The following SPTY2D1 variants were observed in gnomAD, a reference collection of about 807,000 sequenced individuals.
SPTY2D1 encodes the protein SPT2 chromatin protein domain containing 1.
In SPTY2D1, 21 loss-of-function variants were observed where a neutral mutation model predicts 64.0. That is an observed-to-expected ratio of 0.33 (90% CI 0.23 to 0.47). SPTY2D1 has a LOEUF of 0.47. SPTY2D1 is among the 20% of genes least tolerant of loss of function. The pLI is 1.00. For missense variants in SPTY2D1, 724 were observed against 837.2 expected (o/e 0.86, Z 1.67); for synonymous variants, 287 against 286.8 (o/e 1.00, Z -0.01).
intron 1 of SPTY2D1, among the ~76,000 whole-genome samples, chr11:18,631,661 G>GA (rs140100043): frequency 0.088 from 12,210 of 138,448 alleles, 1,341 homozygotes; most frequent in African/African-American, 0.26. Context: ...GGCAAAAAAA[G>GA]AAAAAAAGCT....
intron 1 of SPTY2D1, among the ~76,000 whole-genome samples, chr11:18,617,234 T>C (rs1854313541): frequency 6.6e-6 from 1 of 152,134 alleles, no homozygotes; most frequent in African/African-American, 2.4e-5. Context: ...AATGAACAAT[T>C]CACAGAAACA....
Position 18,609,834 on chromosome 11 carries a change from A to G in SPTY2D1, c.*27T>C, listed in dbSNP as rs1373877571. ...GAAATCCTTGCAGCAGAGCAGCTCTAGAATTTCACAAAAATAAAAGCAGCA... is the reference window on the plus strand; with the variant it reads ...GAAATCCTTGCAGCAGAGCAGCTCTGGAATTTCACAAAAATAAAAGCAGCA... On this transcript the variant is annotated 3_prime_UTR_variant, in exon 6 of 6. Transcript: ENST00000336349. The G allele has an allele frequency of 6.2e-7, 1 of 1,609,476 alleles. No homozygotes were observed. The highest frequency in any genetic ancestry group is 8.5e-7 in the Non-Finnish European group (1 of 1,176,356).
chr11:18,610,311 A>T (rs1854179974), intron 5 of SPTY2D1: 1 of 183,732 alleles, frequency 5.4e-6, no homozygotes, highest in Non-Finnish European at 1.1e-5. Flanking sequence ...TTTTATGGGC[A>T]AGAGGGAGAA....
chr11:18,627,446 C>A (rs1342956347), intron 1 of SPTY2D1, among the ~76,000 whole-genome samples: 1 of 146,676 alleles, frequency 6.8e-6, no homozygotes, highest in African/African-American at 2.5e-5. Context: ...ACAACAACAA[C>A]AACAAAAAAC....
chr11:18,630,072 G>A (rs1388546706), intron 1 of SPTY2D1, among the ~76,000 whole-genome samples: 2 of 152,130 alleles, frequency 1.3e-5, no homozygotes, highest in East Asian at 3.9e-4. Context: ...GGAAGGCTAA[G>A]CCAAGAGAAT....
chr11:18,622,101 A>AAACAAAAAAAAAC (rs1554988499), intron 1 of SPTY2D1, among the ~76,000 whole-genome samples: 1 of 81,282 alleles, frequency 1.2e-5, no homozygotes, highest in African/African-American at 3.1e-5. Context: ...AAAAAAAAAA[A>AAACAAAAAAAAAC]AAACCAAAAC....
At chr11:18,613,341 G>C (rs1459037585) in intron 3 of SPTY2D1, among the ~76,000 whole-genome samples, 2 of 152,188 alleles carry the variant, frequency 1.3e-5, no homozygotes, top group Non-Finnish European at 2.9e-5. Context: ...CAACAGCCCA[G>C]GATCTGGGAA....
rs751144922 is a variant in SPTY2D1 at position 18,614,967 on chromosome 11, C to A, written c.1307G>T (p.Gly436Val). The change falls in exon 3 of 6, where the codon GGA becomes GTA. Residue 436 changes from glycine to valine, a missense_variant. By Grantham distance (109) the Gly-to-Val change is moderately radical. Transcript: ENST00000336349. The part of the protein sequence containing the change: ...RRTVSGTCGP[G>V]QPASSSGGPG... Reference sequence around the variant, plus strand: ...GCCACCTGAGCTGCTTGCAGGTTGTCCAGGGCCACATGTACCACTGACTGT... The same window carrying A: ...GCCACCTGAGCTGCTTGCAGGTTGTACAGGGCCACATGTACCACTGACTGT... 6.2e-7 allele frequency: 1 copy of A among 1,614,154 alleles called. No homozygotes were observed. Among genetic ancestry groups the A allele is most frequent in the Non-Finnish European group, 8.5e-7 (1 of 1,180,040 alleles).
At chr11:18,617,093 G>A in intron 1 of SPTY2D1, 104 bp from the exon 2 acceptor site, 1 of 863,076 alleles carries the variant, frequency 1.2e-6, no homozygotes, top group South Asian at 1.6e-5. Flanking sequence ...TGTTAACTGT[G>A]AAACCTATTC....
At chr11:18,633,601 T>C (rs927939688) in intron 1 of SPTY2D1, among the ~76,000 whole-genome samples, 1 of 152,238 alleles carries the variant, frequency 6.6e-6, no homozygotes, top group African/African-American at 2.4e-5. Context: ...AGCTCACCTA[T>C]TCTGTTGGCC....
intron 1 of SPTY2D1, among the ~76,000 whole-genome samples, chr11:18,622,896 G>T (rs1005910265): frequency 6.6e-6 from 1 of 151,950 alleles, no homozygotes; most frequent in Non-Finnish European, 1.5e-5. Flanking sequence ...AGGTTGCAGT[G>T]AGCTGAGATC....
In SPTY2D1 at chr11:18,612,308, T is replaced by C. The variant is rs1854219888; in HGVS notation, c.1886+6A>G. Reference sequence around the variant, plus strand: ...TCATAGTTATCTGAATCTTCTTTAGTCTTACTTTTTTCGGTCATAACCAAA... The same window carrying C: ...TCATAGTTATCTGAATCTTCTTTAGCCTTACTTTTTTCGGTCATAACCAAA... On this transcript the variant is annotated splice_donor_region_variant and intron_variant, in intron 4 of 5. Transcript: ENST00000336349. The surrounding 1 kb of genome is among the most constrained non-coding windows in gnomAD (Gnocchi z 4.6). 6.3e-7 allele frequency: 1 copy of C among 1,584,872 alleles called. No homozygotes were observed. Among genetic ancestry groups the C allele is most frequent in the Non-Finnish European group, 8.6e-7 (1 of 1,169,006 alleles).
In SPTY2D1 at chr11:18,618,623, G is replaced by A. The variant is rs868062474; in HGVS notation, c.61-1634C>T. 9.9e-5 allele frequency among the ~76,000 whole-genome samples: 15 copies of A among 152,172 alleles called. No individual in the cohort carries two copies. In the Middle Eastern group the frequency reaches 0.01, roughly 104 times the overall value. ...TTAGGCAGATGCATTCTCATCTAAC[G>A]TACCTGTTGCTGTGGCTAGCAGAAA... On this transcript the variant is annotated intron_variant, in intron 1 of 5. Transcript: ENST00000336349.
chr11:18,614,580 C>T lies in SPTY2D1; in HGVS notation c.1694G>A (p.Gly565Asp), dbSNP rs775037294. The T allele has an allele frequency of 1.1e-5, 17 of 1,609,026 alleles. No individual in the cohort carries two copies. The African/African-American group carries it at 1.5e-4, about 14-fold the overall frequency. ...AATTTTACCTTGGGCAGCTCTGTAGCCAGATAGGGGAGGCTTCATTCCATT... is the reference window on the plus strand; with the variant it reads ...AATTTTACCTTGGGCAGCTCTGTAGTCAGATAGGGGAGGCTTCATTCCATT... The part of the protein sequence containing the change: ...QMNGMKPPLS[G>D]YRAAQGPQRL... Residue 565 changes from glycine to aspartate, a missense_variant, in exon 3 of 6, where the codon GGC (glycine) becomes GAC (aspartate). By Grantham distance (94) the Gly-to-Asp change is moderately conservative. Coordinates refer to ENST00000336349, the MANE Select transcript of SPTY2D1 (RefSeq NM_194285.3).
chr11:18,627,818 G>A lies in SPTY2D1; in HGVS notation c.60+6380C>T, dbSNP rs183783657. Among the ~76,000 whole-genome samples the A allele has an allele frequency of 1.7e-3, 266 of 152,188 alleles. 5 individuals are homozygous for A. Among genetic ancestry groups the A allele is most frequent in the Middle Eastern group, 6.8e-3 (2 of 294 alleles). On this transcript the variant is annotated intron_variant, in intron 1 of 5. Coordinates refer to ENST00000336349, the MANE Select transcript of SPTY2D1 (RefSeq NM_194285.3). ...GGCGTGAGCCCGCGAGGCGGAGCTTGCAGTGAGCCGAGATCATGCCACTGC... is the reference window on the plus strand; with the variant it reads ...GGCGTGAGCCCGCGAGGCGGAGCTTACAGTGAGCCGAGATCATGCCACTGC...
chr11:18,629,481 C>A (rs942222174), intron 1 of SPTY2D1, among the ~76,000 whole-genome samples: 5 of 151,938 alleles, frequency 3.3e-5, no homozygotes, highest in African/African-American at 1.2e-4. Flanking sequence ...CCAGCCTGGG[C>A]GACAGAGTGA....
At position 18,606,564 on chromosome 11, in the gene SPTY2D1, C is replaced by A; in HGVS notation, c.*3297G>T. 3.7e-6 allele frequency: 1 copy of A among 273,676 alleles called. No homozygotes were observed. Among genetic ancestry groups the A allele is most frequent in the South Asian group, 3.3e-5 (1 of 30,158 alleles). The allele number at this position is 273,676 out of a possible 1,614,324, so 17.0% of individuals were successfully genotyped here. A position where few individuals can be genotyped will look rare whatever the true frequency, so the allele number is the denominator to read the frequency against. ...CTTGATTTGTCCATTGTGTAAAAGA[C>A]AGGATGGATTTAATTACTCCAAAGA... On this transcript the variant is annotated 3_prime_UTR_variant, in exon 6 of 6. Coordinates refer to ENST00000336349, the MANE Select transcript of SPTY2D1 (RefSeq NM_194285.3).
In SPTY2D1 at chr11:18,609,379, G is replaced by A. The variant is rs1854158359; in HGVS notation, c.*482C>T. 6.4e-6 allele frequency: 1 copy of A among 156,070 alleles called. No homozygotes were observed. The highest frequency in any genetic ancestry group is 1.9e-4 in the South Asian group (1 of 5,180). The allele number at this position is 156,070 out of a possible 1,614,324, so 9.7% of individuals were successfully genotyped here. On this transcript the variant is annotated 3_prime_UTR_variant, in exon 6 of 6. Coordinates refer to ENST00000336349, the MANE Select transcript of SPTY2D1 (RefSeq NM_194285.3). Reference sequence around the variant, plus strand: ...TACATTTTCAAGTTCTCAATCCATAGATTAGGACAAGTCACTTTATTGCTG... The same window carrying A: ...TACATTTTCAAGTTCTCAATCCATAAATTAGGACAAGTCACTTTATTGCTG...
intron 1 of SPTY2D1, among the ~76,000 whole-genome samples, chr11:18,623,171 A>C (rs1358306872): frequency 6.6e-6 from 1 of 152,184 alleles, no homozygotes; most frequent in African/African-American, 2.4e-5. Flanking sequence ...AGTTATCACA[A>C]ATTTAAAAAA....
Sources: gnomAD v4.1 joint callset for allele counts (sites outside exome capture counted in the v4.1 genomes callset) on GRCh38, gnomAD v4.1.1 for gene constraint, Gnocchi (gnomAD v3.1) non-coding constraint, MANE v1.5 for transcripts, NCBI Gene and HGNC (gene_info 2026-07-23, HGNC 2026-07-21) for gene names.